The following TRIM8 variants were observed in gnomAD, a reference collection of about 807,000 sequenced individuals.
The protein encoded by TRIM8 is tripartite motif containing 8, also known as E3 ubiquitin-protein ligase TRIM8.
TRIM8 carries 9 observed loss-of-function variants against 55.7 expected under a neutral mutation model. That is an observed-to-expected ratio of 0.16 (90% CI 0.10 to 0.28). TRIM8 has a LOEUF of 0.28. Ranked by LOEUF, TRIM8 falls within the 10% of genes least tolerant of loss-of-function variation. The probability of loss-of-function intolerance (pLI) is 1.00; values close to 1 mark genes in which losing one functional copy is unlikely to be tolerated. For synonymous variants in TRIM8, 335 were observed against 333.3 expected, an observed-to-expected ratio of 1.01 and a Z score of -0.06; for missense variants, 556 against 736.4, an observed-to-expected ratio of 0.76 and a Z score of 2.83.
At chr10:102,655,523 T>C (rs552280642) in intron 3 of TRIM8, among the ~76,000 whole-genome samples, 1 of 152,214 alleles carries the variant, frequency 6.6e-6, no homozygotes, top group Non-Finnish European at 1.5e-5. Context: ...CGAAGTGGTG[T>C]TGATGATACA....
At chr10:102,652,692 T>C (rs976281441) in intron 1 of TRIM8, among the ~76,000 whole-genome samples, 3 of 152,162 alleles carry the variant, frequency 2.0e-5, no homozygotes, top group Non-Finnish European at 4.4e-5. Context: ...TAGTGCTGTC[T>C]AATAGAACTT....
chr10:102,650,430 C>T (rs997244945), intron 1 of TRIM8, among the ~76,000 whole-genome samples: 2 of 152,154 alleles, frequency 1.3e-5, no homozygotes. Flanking sequence ...CTTTTGTCCT[C>T]ATAGGCCCCG....
rs1255093470 is a variant in TRIM8 at position 102,657,471 on chromosome 10, T to C, written c.*117T>C. On this transcript the variant is annotated 3_prime_UTR_variant, in exon 6 of 6. Coordinates refer to ENST00000643721, the MANE Select transcript of TRIM8 (RefSeq NM_030912.3). ...TCGCCTCCCCTCTTCCTCATTCCAT[T>C]GCCCCAGGTCTTTTCCTTTTGGATT... 2.4e-6 allele frequency: 3 copies of C among 1,265,240 alleles called. No homozygotes were observed. Among genetic ancestry groups the C allele is most frequent in the South Asian group, 1.6e-5 (1 of 63,454 alleles). 78.4% of individuals were successfully genotyped at this position (1,265,240 alleles called of 1,614,324 possible).
intron 1 of TRIM8, among the ~76,000 whole-genome samples, chr10:102,651,358 A>T (rs1042513316): frequency 3.3e-5 from 5 of 152,160 alleles, no homozygotes; most frequent in African/African-American, 1.2e-4. Context: ...CCAGGACTGG[A>T]CAGGAAGGCC....
rs368451656 is a variant in TRIM8 at position 102,656,907 on chromosome 10, G to A, written c.1209G>A (p.Ala403=). 40 of 1,597,860 alleles carry A rather than the reference G, an allele frequency of 2.5e-5. No individual in the cohort carries two copies. Among genetic ancestry groups the A allele is most frequent in the Non-Finnish European group, 3.3e-5 (39 of 1,171,492 alleles). Residue 403 remains alanine (A), a synonymous_variant, in exon 6 of 6, where the codon GCG becomes GCA. Coordinates refer to ENST00000643721, the MANE Select transcript of TRIM8 (RefSeq NM_030912.3). This position sits in a 1 kb window ranked among gnomAD's most constrained non-coding sequence, Gnocchi z 4.6. ...CTGTGGGCGGCCAGTACGGGGCGGC[G>A]GGCACAGCCAGCGGTGAGGGCCAGT... ...SGPVGGQYGA[A]GTASGEGQSG... is the part of the protein sequence containing the mutation.
At chr10:102,645,293 A>G in intron 1 of TRIM8, 106 bp downstream of exon 1, 1 of 1,273,992 alleles carries the variant, frequency 7.8e-7, no homozygotes, top group Non-Finnish European at 1.0e-6. Flanking sequence ...CTCTTGTGAC[A>G]TCAGGCCAGT....
intron 1 of TRIM8, chr10:102,653,440 G>A (rs1230430846): frequency 6.6e-6 from 1 of 152,648 alleles, no homozygotes. Flanking sequence ...AGCCTTCATT[G>A]CCATGCTAAA....
intron 1 of TRIM8, among the ~76,000 whole-genome samples, chr10:102,651,142 C>T (rs2063981805): frequency 6.6e-6 from 1 of 152,218 alleles, no homozygotes; most frequent in Non-Finnish European, 1.5e-5. Context: ...GCAGCAGAGA[C>T]AGGAGCCCAG....
In TRIM8 at chr10:102,644,950, G is replaced by C; in HGVS notation, c.333G>C (p.Glu111Asp). Residue 111 changes from glutamate to aspartate, a missense_variant, in exon 1 of 6, where the codon GAG (glutamate) becomes GAC (aspartate). Coordinates refer to ENST00000643721, the MANE Select transcript of TRIM8 (RefSeq NM_030912.3). ...CGCAGAAGGTCTGCCTGCGCTGCGA[G>C]GCGCCCTGCTGCCAGTCCCACGTGC... ...LPAQKVCLRC[E>D]APCCQSHVQT... 2.5e-6 allele frequency: 4 copies of C among 1,597,526 alleles called. No individual in the cohort carries two copies. Among genetic ancestry groups the C allele is most frequent in the Non-Finnish European group, 3.4e-6 (4 of 1,172,802 alleles).
chr10:102,658,163 G>A lies in TRIM8; in HGVS notation c.*809G>A, dbSNP rs1035076453. 6 of 152,212 alleles carry A rather than the reference G, an allele frequency of 3.9e-5. No individual in the cohort carries two copies. Among genetic ancestry groups the A allele is most frequent in the African/African-American group, 1.4e-4 (6 of 41,446 alleles). The allele number at this position is 152,212 out of a possible 1,614,324, so 9.4% of individuals were successfully genotyped here. A position where few individuals can be genotyped will look rare whatever the true frequency, so the allele number is the denominator to read the frequency against. On this transcript the variant is annotated 3_prime_UTR_variant, in exon 6 of 6. Transcript: ENST00000643721. ...CAGGGAGGAGGGGCTGCCCGGAGTT[G>A]GGTCCTTGCCTGGATTTTGACACAG...
rs370023494 is a variant in TRIM8 at position 102,644,911 on chromosome 10, C to A, written c.294C>A (p.Gly98=). The change falls in exon 1 of 6, where the codon GGC becomes GGA. Residue 98 remains glycine (G), a synonymous_variant. Coordinates refer to ENST00000643721, the MANE Select transcript of TRIM8 (RefSeq NM_030912.3). Reference sequence around the variant, plus strand: ...TGCACTGCGTGTTCTGCCGCCGCGGCCCCCCGCTGCCCGCGCAGAAGGTCT... The same window carrying A: ...TGCACTGCGTGTTCTGCCGCCGCGGACCCCCGCTGCCCGCGCAGAAGGTCT... ...AALHCVFCRR[G]PPLPAQKVCL... is the part of the protein sequence containing the mutation. 6.2e-7 allele frequency: 1 copy of A among 1,605,748 alleles called. No homozygotes were observed. Among genetic ancestry groups the A allele is most frequent in the African/African-American group, 1.3e-5 (1 of 74,734 alleles).
At chr10:102,645,279 C>G in intron 1 of TRIM8, 92 bp downstream of exon 1, 1 of 1,348,592 alleles carries the variant, frequency 7.4e-7, no homozygotes, top group Non-Finnish European at 9.7e-7. Context: ...TCCCGACAGG[C>G]TGACTCTTGT....
chr10:102,654,915 G>C (rs1775579222), intron 2 of TRIM8, 165 bp from the exon 3 acceptor site: 2 of 938,722 alleles, frequency 2.1e-6, no homozygotes, highest in South Asian at 2.8e-5. Flanking sequence ...TGCTGGCCCA[G>C]AGCCCTGTGC....
chr10:102,644,570 G>C lies in TRIM8; in HGVS notation c.-48G>C. The C allele has an allele frequency of 6.3e-7, 1 of 1,575,574 alleles. No individual in the cohort carries two copies. Among genetic ancestry groups the C allele is most frequent in the Non-Finnish European group, 8.6e-7 (1 of 1,159,304 alleles). On this transcript the variant is annotated 5_prime_UTR_variant, in exon 1 of 6. Transcript: ENST00000643721. ...ACAGCGGCTCCGGACGGACCCCCGG[G>C]GCTGGGGAGTCGGGGAGGCCTGCCC...
rs1027926782 is a variant in TRIM8, at chr10:102,657,237, C to A, written c.1539C>A (p.Pro513=). The A allele has an allele frequency of 3.7e-6, 6 of 1,614,050 alleles. No individual in the cohort carries two copies. The East Asian group carries it at 1.3e-4, about 36-fold the overall frequency. Residue 513 remains proline, a synonymous_variant, in exon 6 of 6, where the codon CCC becomes CCA. Coordinates refer to ENST00000643721, the MANE Select transcript of TRIM8 (RefSeq NM_030912.3). ...CGCTCCCGCCCACACCCTCCGTCCC[C>A]CAGTCCCTTCCCAGCCTGGCGGTCA... ...SHPLPPTPSV[P]QSLPSLAVRD...
Position 102,656,187 on chromosome 10 carries a change from G to C in TRIM8, c.932+50G>C, listed in dbSNP as rs1396809682. On this transcript the variant is annotated intron_variant, in intron 4 of 5. Transcript: ENST00000643721. The surrounding 1 kb of genome is among the most constrained non-coding windows in gnomAD (Gnocchi z 4.6). ...CGGGGGCACATCCTGGGGAGGGCAGGGGGGCCAGGCCCATGGCGGGGAGGT... is the reference window on the plus strand; with the variant it reads ...CGGGGGCACATCCTGGGGAGGGCAGCGGGGCCAGGCCCATGGCGGGGAGGT... 6.2e-7 allele frequency: 1 copy of C among 1,614,144 alleles called. No individual in the cohort carries two copies. Among genetic ancestry groups the C allele is most frequent in the South Asian group, 1.1e-5 (1 of 91,070 alleles).
Position 102,644,540 on chromosome 10 carries a change from G to T in TRIM8, c.-78G>T. The T allele has an allele frequency of 7.1e-7, 1 of 1,401,978 alleles. No individual in the cohort carries two copies. The highest frequency in any genetic ancestry group is 9.7e-7 in the Non-Finnish European group (1 of 1,035,928). The allele number at this position is 1,401,978 out of a possible 1,614,324, so 86.8% of individuals were successfully genotyped here. ...TGGGGCCGGAGCTCGGGGCTCGGTG[G>T]GCCTACAGCGGCTCCGGACGGACCC... On this transcript the variant is annotated 5_prime_UTR_variant, in exon 1 of 6. Transcript: ENST00000643721.
rs376773205 is a variant in TRIM8 at position 102,644,809 on chromosome 10, C to T, written c.192C>T (p.Gly64=). The part of the protein sequence containing the change: ...ECNQAYNQKP[G]LEKNLKLTNI... ...ACCAGGCCTACAACCAGAAGCCGGG[C>T]CTGGAGAAGAACCTGAAGCTCACCA... The change falls in exon 1 of 6, where the codon GGC becomes GGT. Residue 64 remains glycine (G), a synonymous_variant. Transcript: ENST00000643721. The T allele has an allele frequency of 6.2e-7, 1 of 1,613,078 alleles. No homozygotes were observed. Among genetic ancestry groups the T allele is most frequent in the African/African-American group, 1.3e-5 (1 of 74,934 alleles).
At chr10:102,648,293 AAAG>A (rs1053220359) in intron 1 of TRIM8, among the ~76,000 whole-genome samples, 2 of 152,132 alleles carry the variant, frequency 1.3e-5, no homozygotes, top group African/African-American at 4.8e-5. Flanking sequence ...CATGACATGG[AAAG>A]AAGACCCAAG....
Sources: gnomAD v4.1 joint callset for allele counts (sites outside exome capture counted in the v4.1 genomes callset) on GRCh38, gnomAD v4.1.1 for gene constraint, Gnocchi (gnomAD v3.1) non-coding constraint, MANE v1.5 for transcripts, NCBI Gene and HGNC (gene_info 2026-07-23, HGNC 2026-07-21) for gene names.